The following ANXA8 variants were observed in gnomAD, a reference collection of about 807,000 sequenced individuals.
ANXA8 encodes VAC-beta.
A neutral mutation model predicts 26.8 loss-of-function variants in ANXA8; 9 were observed. That is an observed-to-expected ratio of 0.34 (90% confidence interval 0.20 to 0.59). The LOEUF is 0.59. Ranked by LOEUF, ANXA8 falls within the 20% of genes least tolerant of loss-of-function variation. The pLI, the probability that ANXA8 is intolerant of heterozygous loss-of-function variation, is 0.84. For missense variants in ANXA8, 83 were observed against 238.5 expected (o/e 0.35, Z 4.29); for synonymous variants, 39 against 94.8 (o/e 0.41, Z 3.42).
the ANXA8 span, among the ~76,000 whole-genome samples, chr10:47,756,888 G>A: frequency 6.9e-6 from 1 of 144,944 alleles, no homozygotes; most frequent in Non-Finnish European, 1.5e-5. Flanking sequence ...TGATGGAAAG[G>A]TGGAGGTGGA....
the ANXA8 span, among the ~76,000 whole-genome samples, chr10:47,711,098 A>G: frequency 2.0e-5 from 3 of 148,916 alleles, no homozygotes; most frequent in African/African-American, 7.7e-5. Flanking sequence ...GGCAGATGTC[A>G]AGGGAGTTAC....
the ANXA8 span, among the ~76,000 whole-genome samples, chr10:47,643,143 TGAG>T: frequency 1.6e-5 from 1 of 62,600 alleles, no homozygotes; most frequent in African/African-American, 1.1e-4. Flanking sequence ...AAATTTCAAT[TGAG>T]GAGCTGAAAT....
At chr10:47,687,606 G>T in the ANXA8 span, among the ~76,000 whole-genome samples, 2 of 151,922 alleles carry the variant, frequency 1.3e-5, no homozygotes, top group East Asian at 3.9e-4. Context: ...CTCCCACTTG[G>T]GTTTGACATA....
At chr10:47,944,899 T>A in the ANXA8 span, among the ~76,000 whole-genome samples, 2 of 142,802 alleles carry the variant, frequency 1.4e-5, no homozygotes, top group Non-Finnish European at 3.0e-5. Context: ...TCTGTCCTTG[T>A]ACAGGTTCCT....
chr10:47,491,624 G>A, the ANXA8 span: 49 of 1,535,104 alleles, frequency 3.2e-5, no homozygotes, highest in Admixed American at 8.0e-5. Context: ...TGGCCTTCTC[G>A]GTGCGGTGGG....
At chr10:47,769,268 C>T in the ANXA8 span, among the ~76,000 whole-genome samples, 2 of 150,266 alleles carry the variant, frequency 1.3e-5, no homozygotes, top group Non-Finnish European at 2.9e-5. Context: ...AGGCATCTTA[C>T]GAGACCATCA....
chr10:47,778,918 GATA>G, the ANXA8 span, among the ~76,000 whole-genome samples: 2 of 151,192 alleles, frequency 1.3e-5, no homozygotes, highest in African/African-American at 4.9e-5. Flanking sequence ...GATATGATAT[GATA>G]TGATATGATA....
At chr10:47,590,852 C>G in the ANXA8 span, among the ~76,000 whole-genome samples, 1 of 120,116 alleles carries the variant, frequency 8.3e-6, no homozygotes, top group East Asian at 2.1e-4. Context: ...TCAAATACGG[C>G]CCCATTTCCT....
the ANXA8 span, among the ~76,000 whole-genome samples, chr10:47,627,647 T>C: frequency 6.7e-6 from 1 of 150,180 alleles, no homozygotes; most frequent in East Asian, 1.9e-4. Flanking sequence ...TTCCTAGTAC[T>C]TAACTTTCTT....
the ANXA8 span, among the ~76,000 whole-genome samples, chr10:47,938,995 G>A: frequency 7.6e-4 from 110 of 143,834 alleles, 11 homozygotes; most frequent in East Asian, 0.022. Flanking sequence ...CCCCTGTTCT[G>A]GACCTTCTTC....
the ANXA8 span, among the ~76,000 whole-genome samples, chr10:47,768,388 G>A: frequency 6.6e-6 from 1 of 151,450 alleles, no homozygotes. Flanking sequence ...CTAAATTGAT[G>A]TGTCGGTTAA....
At chr10:47,681,255 G>C in the ANXA8 span, among the ~76,000 whole-genome samples, 769 of 151,990 alleles carry the variant, frequency 5.1e-3, 4 homozygotes, top group African/African-American at 0.018. Flanking sequence ...AAAGATATCA[G>C]TGATGATGCC....
chr10:47,519,523 C>T, the ANXA8 span, among the ~76,000 whole-genome samples: 3 of 108,606 alleles, frequency 2.8e-5, 1 homozygote, highest in Non-Finnish European at 5.5e-5. Context: ...TCTCTTTCAC[C>T]GTGTGGAACC....
At chr10:47,589,001 A>C in the ANXA8 span, 1 of 144,390 alleles carries the variant, frequency 6.9e-6, no homozygotes, top group Admixed American at 6.7e-5. Flanking sequence ...TTTTGTAGAG[A>C]CGGGGTTTTG....
the ANXA8 span, among the ~76,000 whole-genome samples, chr10:47,989,251 C>A: frequency 7.3e-6 from 1 of 136,812 alleles, no homozygotes; most frequent in African/African-American, 2.6e-5. Flanking sequence ...GGAAGCTTCA[C>A]CCACAGGAAC....
At chr10:47,720,995 A>G in the ANXA8 span, among the ~76,000 whole-genome samples, 1 of 139,226 alleles carries the variant, frequency 7.2e-6, no homozygotes, top group Non-Finnish European at 1.6e-5. Flanking sequence ...AAAAAAAAAA[A>G]AAAAAGCTGG....
chr10:47,696,044 G>C, the ANXA8 span, among the ~76,000 whole-genome samples: 2 of 151,618 alleles, frequency 1.3e-5, no homozygotes, highest in African/African-American at 4.8e-5. Context: ...AGGCACTACG[G>C]CTTTGGAACC....
chr10:47,989,219 G>T, the ANXA8 span, among the ~76,000 whole-genome samples: 1 of 137,766 alleles, frequency 7.3e-6, no homozygotes, highest in Non-Finnish European at 1.6e-5. Flanking sequence ...GGCAATGAGT[G>T]TTCCTGGAAC....
At chr10:47,652,590 G>A in the ANXA8 span, among the ~76,000 whole-genome samples, 3 of 148,146 alleles carry the variant, frequency 2.0e-5, no homozygotes, top group South Asian at 6.2e-4. Flanking sequence ...GAACGAGACT[G>A]TCTTGAAAAA....
Sources: allele counts gnomAD v4.1 joint callset (sites outside exome capture counted in the v4.1 genomes callset), GRCh38; gene constraint gnomAD v4.1.1; transcripts MANE v1.5; gene names NCBI Gene and HGNC (gene_info 2026-07-23, HGNC 2026-07-21).